The following CHRNA4 variants were observed in gnomAD, a reference collection of about 807,000 sequenced individuals.
CHRNA4 encodes the protein cholinergic receptor nicotinic alpha 4 subunit.
Under a neutral mutation model 48.9 loss-of-function variants are expected in CHRNA4, and 28 were observed. The ratio of observed to expected loss-of-function variants is 0.57; its 90% CI spans 0.42 to 0.79. CHRNA4 has a LOEUF of 0.79. CHRNA4 is among the 30% of genes least tolerant of loss of function. CHRNA4 has a pLI of 0.00. For synonymous variants in CHRNA4, 425 were observed against 402.3 expected, an observed-to-expected ratio of 1.06 and a Z score of -0.68; for missense variants, 859 against 898.4, an observed-to-expected ratio of 0.96 and a Z score of 0.56.
At chr20:63,359,752 AG>A in intron 1 of CHRNA4, 53 bp from the exon 2 acceptor site, 1 of 1,591,122 alleles carries the variant, frequency 6.3e-7, no homozygotes, top group African/African-American at 1.4e-5. Context: ...AGGAGCCGGG[AG>A]CTGTCCAGGA....
Position 63,350,275 on chromosome 20 carries a change from G to A in CHRNA4, c.1136C>T (p.Ala379Val), listed in dbSNP as rs751152814. 2 of 1,612,130 alleles carry A rather than the reference G, an allele frequency of 1.2e-6. No individual in the cohort carries two copies. Among genetic ancestry groups the A allele is most frequent in the South Asian group, 2.2e-5 (2 of 91,012 alleles). The change falls in exon 5 of 6, where the codon GCC (alanine) becomes GTC (valine). Residue 379 changes from alanine (A) to valine (V), a missense_variant. Physicochemically the swap from Ala to Val is moderately conservative, Grantham distance 64 (BLOSUM62 0). Coordinates refer to ENST00000370263, the MANE Select transcript of CHRNA4 (RefSeq NM_000744.7). ...CTCGGGCCAGAAGCGCGGGGCACTGGCCATCTTATGCATGGACTCGATGAG... is the reference window on the plus strand; with the variant it reads ...CTCGGGCCAGAAGCGCGGGGCACTGACCATCTTATGCATGGACTCGATGAG... The part of the protein sequence containing the change: ...RRLIESMHKM[A>V]SAPRFWPEPE...
At chr20:63,347,508 G>A (rs1256127298) in intron 5 of CHRNA4, among the ~76,000 whole-genome samples, 2 of 152,222 alleles carry the variant, frequency 1.3e-5, no homozygotes, top group African/African-American at 4.8e-5. Flanking sequence ...ACACTCCTGG[G>A]GCTGATGCAG....
In CHRNA4 at chr20:63,359,534, A is replaced by G; in HGVS notation, c.228+14T>C. On this transcript the variant is annotated intron_variant, in intron 2 of 5. Coordinates refer to ENST00000370263, the MANE Select transcript of CHRNA4 (RefSeq NM_000744.7). ...ACCTCAGTCACAGTGCACGATGGCC[A>G]CGCCCTCACCTACCACGTCAATGAG... The G allele has an allele frequency of 6.2e-7, 1 of 1,612,482 alleles. No homozygotes were observed. The highest frequency in any genetic ancestry group is 8.5e-7 in the Non-Finnish European group (1 of 1,179,842).
intron 4 of CHRNA4, chr20:63,355,719 C>T (rs2068706699): frequency 2.4e-6 from 2 of 841,418 alleles, no homozygotes; most frequent in Non-Finnish European, 3.6e-6. Flanking sequence ...GGCTCTGACG[C>T]TCCAGTGCTG....
At position 63,361,076 on chromosome 20, in the gene CHRNA4, G is replaced by T. The variant is rs6090386; in HGVS notation, c.76+14C>A. On this transcript the variant is annotated intron_variant, in intron 1 of 5. Transcript: ENST00000370263. ...GCGGGCGAAAGGGGGCCCATCCCGCGCCCCGTAACTTACCGCGCAGGAGGC... is the reference window on the plus strand; with the variant it reads ...GCGGGCGAAAGGGGGCCCATCCCGCTCCCCGTAACTTACCGCGCAGGAGGC... 67 of 1,438,664 alleles carry T rather than the reference G, an allele frequency of 4.7e-5. No individual in the cohort carries two copies. The African/African-American group carries it at 8.8e-4, about 19-fold the overall frequency. 89.1% of individuals were successfully genotyped at this position (1,438,664 alleles called of 1,614,324 possible).
At chr20:63,348,332 G>A (rs2068528168) in intron 5 of CHRNA4, among the ~76,000 whole-genome samples, 1 of 152,256 alleles carries the variant, frequency 6.6e-6, no homozygotes, top group East Asian at 1.9e-4. Context: ...AGAGCTGGCA[G>A]CAAAGCAGGA....
At position 63,343,937 on chromosome 20, in the gene CHRNA4, T is replaced by C. The variant is rs1568801143; in HGVS notation, c.*2801A>G. 2.2e-6 allele frequency: 1 copy of C among 454,066 alleles called. No individual in the cohort carries two copies. The highest frequency in any genetic ancestry group is 4.4e-6 in the Non-Finnish European group (1 of 226,786). The allele number at this position is 454,066 out of a possible 1,614,324, so 28.1% of individuals were successfully genotyped here. ...AACTAACTGGCCCTAGGAGGAGCAG[T>C]CCTGGGTCTGAAAGATGTTAAAACA... is the stretch of plus-strand genomic sequence containing the variant. On this transcript the variant is annotated 3_prime_UTR_variant, in exon 6 of 6. Transcript: ENST00000370263.
At chr20:63,351,083 ACCCACGCCCACTGCCACACCCATG>A (rs2068591407) in intron 4 of CHRNA4, 56 bp from the exon 5 acceptor site, 3 of 1,455,570 alleles carry the variant, frequency 2.1e-6, no homozygotes, top group Admixed American at 1.9e-5. Context: ...CCACGTCCAC[ACCCACGCCCACTGCCACACCCATG>A]CCCACGTCCA....
rs751791822 is a variant in CHRNA4, at chr20:63,349,565, G to C, written c.1758+88C>G. On this transcript the variant is annotated intron_variant, in intron 5 of 5. Transcript: ENST00000370263. Reference sequence around the variant, plus strand: ...GCGAAGCAGCCTGAGGCCTGGGCCCGGCTCCTGGATTACACACCAGGAAGA... The same window carrying C: ...GCGAAGCAGCCTGAGGCCTGGGCCCCGCTCCTGGATTACACACCAGGAAGA... The C allele has an allele frequency of 2.1e-4, 319 of 1,543,016 alleles. 1 individual carries two copies. In the South Asian group the frequency reaches 2.9e-3, roughly 14 times the overall value.
chr20:63,360,208 C>G (rs946471099), intron 1 of CHRNA4: 1 of 171,788 alleles, frequency 5.8e-6, no homozygotes, highest in East Asian at 1.6e-4. Context: ...GCAGCGGGGC[C>G]AGCCCAGGCA....
At chr20:63,359,381 C>G (rs2068766232) in intron 2 of CHRNA4, 167 bp downstream of exon 2, 1 of 854,050 alleles carries the variant, frequency 1.2e-6, no homozygotes, top group South Asian at 1.5e-5. Flanking sequence ...TTGGCTGGGG[C>G]TCAGGCGGGG....
chr20:63,358,827 C>G (rs895066458), intron 2 of CHRNA4, among the ~76,000 whole-genome samples: 1 of 152,204 alleles, frequency 6.6e-6, no homozygotes, highest in Non-Finnish European at 1.5e-5. Flanking sequence ...CCTCCAGGGC[C>G]GCCGAGACCC....
intron 3 of CHRNA4, 94 bp from the exon 4 acceptor site, chr20:63,356,178 G>A (rs1249550925): frequency 2.7e-6 from 2 of 753,672 alleles, no homozygotes; most frequent in Admixed American, 2.4e-5. Flanking sequence ...GGCAGGGCCA[G>A]GGCAGGGCAG....
At position 63,345,920 on chromosome 20, in the gene CHRNA4, G is replaced by A. The variant is rs201846232; in HGVS notation, c.*818C>T. On this transcript the variant is annotated 3_prime_UTR_variant, in exon 6 of 6. Coordinates refer to ENST00000370263, the MANE Select transcript of CHRNA4 (RefSeq NM_000744.7). This position sits in a 1 kb window ranked among gnomAD's most constrained non-coding sequence, Gnocchi z 5.4. Reference sequence around the variant, plus strand: ...CAGGGGCTGAAGCCACTAGGCCCCCGTGGAGCCCTGGCCACCTGCCAGAGC... The same window carrying A: ...CAGGGGCTGAAGCCACTAGGCCCCCATGGAGCCCTGGCCACCTGCCAGAGC... The A allele has an allele frequency of 8.8e-6, 4 of 453,876 alleles. No individual in the cohort carries two copies. Among genetic ancestry groups the A allele is most frequent in the South Asian group, 1.6e-5 (1 of 64,460 alleles). 28.1% of individuals were successfully genotyped at this position (453,876 alleles called of 1,614,324 possible). A position where few individuals can be genotyped will look rare whatever the true frequency, so the allele number is the denominator to read the frequency against.
intron 4 of CHRNA4, among the ~76,000 whole-genome samples, chr20:63,355,083 G>C (rs534157215): frequency 6.6e-6 from 1 of 152,322 alleles, no homozygotes; most frequent in South Asian, 2.1e-4. Context: ...GACGGGAGAG[G>C]AGGAAGAGCT....
At chr20:63,348,368 C>T (rs2068528664) in intron 5 of CHRNA4, among the ~76,000 whole-genome samples, 1 of 152,232 alleles carries the variant, frequency 6.6e-6, no homozygotes. Flanking sequence ...AGGCTGCTCT[C>T]GTGACCCCAG....
chr20:63,359,669 GC>G lies in CHRNA4; in HGVS notation c.106del (p.Ala36ProfsTer6). On this transcript the variant is annotated frameshift_variant, in exon 2 of 6. Transcript: ENST00000370263. LOFTEE classifies it high-confidence loss of function. ...ASSHVETRAHAEERLLKKLFS... is the reference protein window; with the variant it reads ...ASSHVETRAHXEERLLKKLFS... ...GAGTTTCTTCAGGAGCCGCTCCTCG[GC>G]GTGGGCCCGGGTCTCCACATGGCTG... The G allele has an allele frequency of 6.2e-7, 1 of 1,611,758 alleles. No homozygotes were observed. Among genetic ancestry groups the G allele is most frequent in the Non-Finnish European group, 8.5e-7 (1 of 1,179,908 alleles).
chr20:63,354,337 G>A (rs1374672633), intron 4 of CHRNA4, among the ~76,000 whole-genome samples: 1 of 130,624 alleles, frequency 7.7e-6, no homozygotes, highest in East Asian at 2.4e-4. Flanking sequence ...TAGGGGTGTT[G>A]TAGTCCTAGG....
rs1412129036 is a variant in CHRNA4, at chr20:63,345,114, TG to T, written c.*1623del. 2.2e-6 allele frequency: 1 copy of T among 453,914 alleles called. No individual in the cohort carries two copies. The highest frequency in any genetic ancestry group is 4.4e-6 in the Non-Finnish European group (1 of 226,748). 28.1% of individuals were successfully genotyped at this position (453,914 alleles called of 1,614,324 possible). A position where few individuals can be genotyped will look rare whatever the true frequency, so the allele number is the denominator to read the frequency against. On this transcript the variant is annotated 3_prime_UTR_variant, in exon 6 of 6. Transcript: ENST00000370263. This position sits in a 1 kb window ranked among gnomAD's most constrained non-coding sequence, Gnocchi z 5.4. ...GCCCGCGGGGACACAGCGGCATTTC[TG>T]GGGCACTCGGCATGCCGGGTTCCTA...
Sources: allele counts gnomAD v4.1 joint callset (sites outside exome capture counted in the v4.1 genomes callset), GRCh38; gene constraint gnomAD v4.1.1; non-coding constraint Gnocchi (gnomAD v3.1); transcripts MANE v1.5; gene names NCBI Gene and HGNC (gene_info 2026-07-23, HGNC 2026-07-21).